MAST4: variants seen among roughly 807,000 people sequenced by gnomAD.
MAST4 encodes microtubule-associated serine/threonine-protein kinase 4.
In MAST4, 89 loss-of-function variants were observed where a neutral mutation model predicts 162.7. That is an observed-to-expected ratio of 0.55 (90% CI 0.46 to 0.65). MAST4 has a LOEUF of 0.65. MAST4 is among the 30% of genes least tolerant of loss of function. The pLI is 0.00. For synonymous variants in MAST4, 1,479 were observed against 1,361.1 expected, an observed-to-expected ratio of 1.09 and a Z score of -1.91; for missense variants, 3,153 against 3,374.0, an observed-to-expected ratio of 0.93 and a Z score of 1.62.
At chr5:67,051,631 T>G (rs1758195433) in intron 4 of MAST4, among the ~76,000 whole-genome samples, 1 of 152,202 alleles carries the variant, frequency 6.6e-6, no homozygotes, top group South Asian at 2.1e-4. Flanking sequence ...TTCCTTCCTG[T>G]ACCCTGGAAA....
At chr5:66,810,682 C>T (rs1374282550) in intron 3 of MAST4, among the ~76,000 whole-genome samples, 1 of 152,174 alleles carries the variant, frequency 6.6e-6, no homozygotes, top group Non-Finnish European at 1.5e-5. Context: ...GCCTTCTTCT[C>T]CAGTGTAGCC....
rs193038371 is a variant in MAST4, at chr5:66,875,920, C to T, written c.643-24031C>T. 1.7e-3 allele frequency among the ~76,000 whole-genome samples: 258 copies of T among 152,244 alleles called. 1 individual carries two copies. Among genetic ancestry groups the T allele is most frequent in the African/African-American group, 5.7e-3 (237 of 41,538 alleles). On this transcript the variant is annotated intron_variant, in intron 3 of 28. Coordinates refer to ENST00000403625, the MANE Select transcript of MAST4 (RefSeq NM_001164664.2). ...AGGACTACAGGTGCATACTGTCACA[C>T]CCAGCTCACGTTTTTATTTTTATTT...
At chr5:67,079,794 A>G (rs934169132) in intron 5 of MAST4, among the ~76,000 whole-genome samples, 3 of 152,092 alleles carry the variant, frequency 2.0e-5, no homozygotes, top group East Asian at 1.9e-4. Flanking sequence ...AAAGCTATCC[A>G]TTATTTTCTC....
At chr5:67,003,764 C>A (rs1262190964) in intron 4 of MAST4, 1 of 152,134 alleles carries the variant, frequency 6.6e-6, no homozygotes, top group African/African-American at 2.4e-5. Context: ...CAAGGTCTAA[C>A]GTACTTGAAG....
Position 67,166,469 on chromosome 5 carries a change from G to A in MAST4, c.7290G>A (p.Glu2430=). ...CCGGTCCCCAGAAGCCACCGACGGA[G>A]GCAGACAAGCCCAATGGCATGAAAC... ...KGPGPQKPPT[E]ADKPNGMKRS... The change falls in exon 29 of 29, where the codon GAG becomes GAA. Residue 2430 remains glutamate (E), a synonymous_variant. Coordinates refer to ENST00000403625, the MANE Select transcript of MAST4 (RefSeq NM_001164664.2). 1 of 1,603,004 alleles carries A rather than the reference G, an allele frequency of 6.2e-7. No homozygotes were observed. Among genetic ancestry groups the A allele is most frequent in the Non-Finnish European group, 8.5e-7 (1 of 1,174,240 alleles).
chr5:66,994,941 T>G (rs756958267), intron 4 of MAST4, among the ~76,000 whole-genome samples: 5 of 152,226 alleles, frequency 3.3e-5, no homozygotes, highest in Admixed American at 6.5e-5. Flanking sequence ...GAAGCAGGTC[T>G]GGAATTCAAA....
chr5:66,832,979 T>C (rs1408341681), intron 3 of MAST4, among the ~76,000 whole-genome samples: 3 of 152,132 alleles, frequency 2.0e-5, no homozygotes, highest in South Asian at 4.1e-4. Context: ...TTCTTACCCA[T>C]TGGAGGAGTT....
rs564446595 is a variant in MAST4 at position 66,946,041 on chromosome 5, G to A, written c.674+46059G>A. On this transcript the variant is annotated intron_variant, in intron 4 of 28. Transcript: ENST00000403625. The stretch of plus-strand genomic sequence containing the variant: ...TTCTTCCCATCTTGAGTTCTCTCAC[G>A]TTCTTCCTGTCTTTAAAATGTGCTT... Among the ~76,000 whole-genome samples the A allele has an allele frequency of 2.0e-5, 3 of 152,158 alleles. 1 individual carries two copies. Among genetic ancestry groups the A allele is most frequent in the East Asian group, 1.9e-4 (1 of 5,160 alleles).
intron 1 of MAST4, among the ~76,000 whole-genome samples, chr5:66,757,959 TCTC>T (rs1283873837): frequency 6.6e-6 from 1 of 152,068 alleles, no homozygotes; most frequent in African/African-American, 2.4e-5. Context: ...TATGGAAACT[TCTC>T]CTTGGAGGCC....
chr5:66,931,660 T>C (rs556626004), intron 4 of MAST4, among the ~76,000 whole-genome samples: 8 of 152,300 alleles, frequency 5.3e-5, no homozygotes, highest in African/African-American at 1.9e-4. Flanking sequence ...GGAAATGGTG[T>C]TTTCTTTTTT....
intron 1 of MAST4, among the ~76,000 whole-genome samples, chr5:66,744,473 A>G (rs1426966462): frequency 2.0e-5 from 3 of 152,230 alleles, no homozygotes; most frequent in African/African-American, 7.2e-5. Flanking sequence ...TAGTTCTTGC[A>G]CTGCTATAAA....
intron 5 of MAST4, among the ~76,000 whole-genome samples, chr5:67,076,747 A>T (rs1761699601): frequency 6.6e-6 from 1 of 152,166 alleles, no homozygotes. Context: ...AAAGACATGA[A>T]CTTAATTATG....
At chr5:66,690,611 CA>C (rs1176811266) in intron 1 of MAST4, among the ~76,000 whole-genome samples, 1 of 152,138 alleles carries the variant, frequency 6.6e-6, no homozygotes, top group Non-Finnish European at 1.5e-5. Context: ...TTCATCCAAG[CA>C]ATTTTAGCCT....
At chr5:66,936,906 G>A (rs191964613) in intron 4 of MAST4, among the ~76,000 whole-genome samples, 1 of 152,126 alleles carries the variant, frequency 6.6e-6, no homozygotes, top group East Asian at 1.9e-4. Context: ...ATAACCTTCA[G>A]CACTGAACTC....
At chr5:66,603,089 C>T (rs570329179) in intron 1 of MAST4, among the ~76,000 whole-genome samples, 45 of 152,264 alleles carry the variant, frequency 3.0e-4, no homozygotes, top group Non-Finnish European at 4.3e-4. Flanking sequence ...ACATAATAAG[C>T]AAGAAACCTA....
intron 10 of MAST4, among the ~76,000 whole-genome samples, chr5:67,109,785 G>A (rs1002070335): frequency 2.6e-5 from 4 of 152,160 alleles, no homozygotes; most frequent in African/African-American, 9.7e-5. Context: ...TGTACCGTGT[G>A]CTTAATGTGT....
At chr5:66,848,455 G>T (rs1472930977) in intron 3 of MAST4, among the ~76,000 whole-genome samples, 8 of 151,582 alleles carry the variant, frequency 5.3e-5, no homozygotes, top group African/African-American at 1.9e-4. Context: ...TGTTTTTTTT[G>T]TTTGTTTGTT....
At chr5:66,723,926 CT>C (rs1751363375) in intron 1 of MAST4, among the ~76,000 whole-genome samples, 1 of 152,092 alleles carries the variant, frequency 6.6e-6, no homozygotes. Flanking sequence ...AGATTCTCCC[CT>C]AAGCAGTTGC....
In MAST4 at chr5:66,719,687, A is replaced by G. The variant is rs1030529347; in HGVS notation, c.364-40022A>G. Among the ~76,000 whole-genome samples the G allele has an allele frequency of 9.2e-5, 14 of 152,010 alleles. No homozygotes were observed. In the East Asian group the frequency reaches 2.7e-3, roughly 29 times the overall value. ...GTTTTAAGCCCCACATGCATTAGGT[A>G]TTTGTCCTAATGCTCTCCCTCCCCT... On this transcript the variant is annotated intron_variant, in intron 1 of 28. Transcript: ENST00000403625.
Sources: gnomAD v4.1 joint callset for allele counts (sites outside exome capture counted in the v4.1 genomes callset) on GRCh38, gnomAD v4.1.1 for gene constraint, MANE v1.5 for transcripts, NCBI Gene and HGNC (gene_info 2026-07-23, HGNC 2026-07-21) for gene names.